IL13RA1: variants seen among roughly 807,000 people sequenced by gnomAD.
The protein encoded by IL13RA1 is interleukin 13 receptor subunit alpha 1.
IL13RA1 carries 14 observed loss-of-function variants against 33.8 expected under a neutral mutation model. That is an observed-to-expected ratio of 0.41 (90% CI 0.27 to 0.65). The LOEUF (loss-of-function observed/expected upper bound fraction) is 0.65. Among genes scored for constraint, IL13RA1 ranks in the 30% least tolerant of loss-of-function variants. The pLI, the probability that IL13RA1 is intolerant of heterozygous loss-of-function variation, is 0.28. For synonymous variants in IL13RA1, 116 were observed against 115.7 expected, an observed-to-expected ratio of 1.00 and a Z score of -0.02; for missense variants, 313 against 327.0, an observed-to-expected ratio of 0.96 and a Z score of 0.33.
intron 2 of IL13RA1, among the ~76,000 whole-genome samples, chrX:118,746,070 GTC>G (rs1295029467): frequency 1.8e-5 from 2 of 111,635 alleles, no homozygotes; most frequent in African/African-American, 6.5e-5. Context: ...TTAATGAAAA[GTC>G]TCTCTTCAGC....
chrX:118,733,337 G>A (rs80140269), intron 1 of IL13RA1, among the ~76,000 whole-genome samples: 6,772 of 111,633 alleles, frequency 0.061, 524 homozygotes, highest in African/African-American at 0.21. Flanking sequence ...ATTCTAATGG[G>A]AGTGAGGTGA....
At chrX:118,754,948 T>C (rs2489874) in intron 4 of IL13RA1, among the ~76,000 whole-genome samples, 17,412 of 104,979 alleles carry the variant, frequency 0.17, 1,455 homozygotes, top group East Asian at 0.4. Context: ...TTTTTTTTTT[T>C]TTTCTTTTTT....
chrX:118,787,720 T>G (rs2017934941), intron 10 of IL13RA1, among the ~76,000 whole-genome samples: 1 of 111,875 alleles, frequency 8.9e-6, no homozygotes, highest in South Asian at 3.7e-4. Flanking sequence ...TATTCCTTAC[T>G]GGGGAAATAA....
intron 8 of IL13RA1, among the ~76,000 whole-genome samples, chrX:118,767,813 T>C: frequency 9.0e-6 from 1 of 111,480 alleles, no homozygotes; most frequent in South Asian, 3.7e-4. Flanking sequence ...ATCTTAAATG[T>C]GTCAAAAAGG....
intron 3 of IL13RA1, among the ~76,000 whole-genome samples, chrX:118,748,234 A>G (rs2017432062): frequency 9.5e-6 from 1 of 104,935 alleles, no homozygotes; most frequent in Non-Finnish European, 1.9e-5. Flanking sequence ...GCTCTAAGCC[A>G]TTCCATTTAC....
intron 6 of IL13RA1, among the ~76,000 whole-genome samples, chrX:118,764,480 G>GT (rs762298103): frequency 8.7e-4 from 92 of 105,484 alleles, no homozygotes; most frequent in African/African-American, 2.4e-3. Flanking sequence ...CCTGAGTGGG[G>GT]TTTTTTTTTT....
At chrX:118,802,676 A>G in the IL13RA1 span, among the ~76,000 whole-genome samples, 1 of 112,231 alleles carries the variant, frequency 8.9e-6, no homozygotes, top group Admixed American at 9.5e-5. Flanking sequence ...TTGGGAAAAT[A>G]ATGGAAACAG....
chrX:118,746,189 G>C (rs749168640), intron 2 of IL13RA1, among the ~76,000 whole-genome samples: 3 of 109,938 alleles, frequency 2.7e-5, no homozygotes, highest in Non-Finnish European at 3.8e-5. Flanking sequence ...GTGCAATCTT[G>C]GCTCACTGCA....
chrX:118,765,794 C>G (rs1026399789), intron 6 of IL13RA1, among the ~76,000 whole-genome samples: 1 of 112,360 alleles, frequency 8.9e-6, no homozygotes. Flanking sequence ...GCTTCATATC[C>G]TCACAACACT....
At chrX:118,733,604 C>T (rs2017247897) in intron 1 of IL13RA1, among the ~76,000 whole-genome samples, 1 of 111,565 alleles carries the variant, frequency 9.0e-6, no homozygotes, top group South Asian at 3.7e-4. Context: ...TATTTTGATG[C>T]ACACGTTTTA....
At position 118,766,990 on chromosome X, in the gene IL13RA1, A is replaced by T. The variant is rs765110137; in HGVS notation, c.1009+14A>T. ...AAATGAGTATAGGTAAGAGAACAGAATTTTTATTAAAATTTAAAACACTGA... is the reference window on the plus strand; with the variant it reads ...AAATGAGTATAGGTAAGAGAACAGATTTTTTATTAAAATTTAAAACACTGA... On this transcript the variant is annotated intron_variant, in intron 8 of 10. Transcript: ENST00000371666. The T allele has an allele frequency of 5.9e-6, 6 of 1,016,830 alleles. No individual in the cohort carries two copies. In the African/African-American group the frequency reaches 1.1e-4, roughly 19 times the overall value. The allele number at this position is 1,016,830 out of a possible 1,213,427, so 83.8% of individuals were successfully genotyped here. A position where few individuals can be genotyped will look rare whatever the true frequency, so the allele number is the denominator to read the frequency against.
At chrX:118,735,511 G>A (rs1332632598) in intron 1 of IL13RA1, among the ~76,000 whole-genome samples, 3 of 111,415 alleles carry the variant, frequency 2.7e-5, no homozygotes, top group African/African-American at 9.8e-5. Flanking sequence ...TTATATTTAC[G>A]CCTTTCATCA....
chrX:118,791,071 T>C (rs1275647963), intron 10 of IL13RA1, among the ~76,000 whole-genome samples: 1 of 111,696 alleles, frequency 9.0e-6, no homozygotes, highest in African/African-American at 3.3e-5. Context: ...TGGTTTAGTA[T>C]AACAACTTTA....
chrX:118,800,046 CTG>C, the IL13RA1 span, among the ~76,000 whole-genome samples: 3 of 109,905 alleles, frequency 2.7e-5, no homozygotes, highest in Non-Finnish European at 5.7e-5. Context: ...AATTGACACT[CTG>C]TATCTAGCTG....
chrX:118,782,449 C>G (rs2017855153), intron 10 of IL13RA1, among the ~76,000 whole-genome samples: 1 of 111,873 alleles, frequency 8.9e-6, no homozygotes, highest in South Asian at 3.7e-4. Context: ...TTTAGTTGTT[C>G]TGAAATTCAG....
chrX:118,786,349 C>T (rs925188854), intron 10 of IL13RA1, among the ~76,000 whole-genome samples: 1 of 109,432 alleles, frequency 9.1e-6, no homozygotes, highest in African/African-American at 3.3e-5. Context: ...CAAGATCACG[C>T]CTCTGCACTC....
chrX:118,770,384 AC>A (rs1176224666), intron 8 of IL13RA1: 1 of 375,236 alleles, frequency 2.7e-6, no homozygotes, highest in East Asian at 7.4e-5. Flanking sequence ...TAGACCAACT[AC>A]CCCATCAAGT....
chrX:118,765,233 G>T (rs1257496094), intron 6 of IL13RA1, among the ~76,000 whole-genome samples: 1 of 109,396 alleles, frequency 9.1e-6, no homozygotes, highest in East Asian at 2.9e-4. Flanking sequence ...GAGTAGCTGG[G>T]ATTACAGGCA....
chrX:118,796,684 C>T (rs757894711), downstream of IL13RA1, among the ~76,000 whole-genome samples: 82 of 111,227 alleles, frequency 7.4e-4, no homozygotes, highest in African/African-American at 2.5e-3. Context: ...ACTAGGTGAC[C>T]GCCACCACGC....
Sources: allele counts gnomAD v4.1 joint callset (sites outside exome capture counted in the v4.1 genomes callset), GRCh38; gene constraint gnomAD v4.1.1; transcripts MANE v1.5; gene names NCBI Gene and HGNC (gene_info 2026-07-23, HGNC 2026-07-21).